GRAMD4: variants seen among roughly 807,000 people sequenced by gnomAD.
GRAMD4 encodes GRAM domain-containing protein 4.
A neutral mutation model predicts 83.9 loss-of-function variants in GRAMD4; 25 were observed. The ratio of observed to expected loss-of-function variants is 0.30; its 90% CI spans 0.22 to 0.42. GRAMD4 has a LOEUF of 0.42. GRAMD4 is among the 10% of genes least tolerant of loss of function. GRAMD4 has a pLI of 1.00. For missense variants in GRAMD4, 593 were observed against 788.7 expected (o/e 0.75, Z 2.97); for synonymous variants, 336 against 320.9 (o/e 1.05, Z -0.50).
intron 2 of GRAMD4, among the ~76,000 whole-genome samples, chr22:46,634,290 C>G (rs1164328211): frequency 1.3e-5 from 2 of 152,120 alleles, no homozygotes; most frequent in African/African-American, 4.8e-5. Context: ...TGCCTTGCAA[C>G]CGCTGTGGGC....
rs2082566777 is a variant in GRAMD4 at position 46,674,610 on chromosome 22, TGGGTAC to T, written c.1385-46_1385-41del. On this transcript the variant is annotated intron_variant, in intron 15 of 18. Transcript: ENST00000406902. ...TGGGTCCCAGCGTCAGGTCAGAGGC[TGGGTAC>T]TTCCAGTGGAAAGTGTGACAGGCGG... 3.1e-6 allele frequency: 4 copies of T among 1,287,156 alleles called. No individual in the cohort carries two copies. In the East Asian group the frequency reaches 9.2e-5, roughly 30 times the overall value. 79.7% of individuals were successfully genotyped at this position (1,287,156 alleles called of 1,614,324 possible). A position where few individuals can be genotyped will look rare whatever the true frequency, so the allele number is the denominator to read the frequency against.
At chr22:46,630,414 T>C (rs189195050) in intron 2 of GRAMD4, among the ~76,000 whole-genome samples, 1 of 152,010 alleles carries the variant, frequency 6.6e-6, no homozygotes, top group Non-Finnish European at 1.5e-5. Context: ...TGCGATTGAG[T>C]GTTTGTGTGC....
chr22:46,591,287 G>A (rs114785010), intron 1 of GRAMD4, among the ~76,000 whole-genome samples: 5 of 151,854 alleles, frequency 3.3e-5, no homozygotes, highest in Admixed American at 6.6e-5. Flanking sequence ...GAGGCTGAGA[G>A]GGGGAGGATT....
intron 1 of GRAMD4, among the ~76,000 whole-genome samples, chr22:46,582,600 G>T (rs1418163363): frequency 2.0e-5 from 3 of 152,124 alleles, no homozygotes; most frequent in Non-Finnish European, 4.4e-5. Flanking sequence ...ATTATGCCTG[G>T]TATCCTGGGA....
chr22:46,593,181 A>C (rs1161966734), intron 1 of GRAMD4, among the ~76,000 whole-genome samples: 1 of 152,180 alleles, frequency 6.6e-6, no homozygotes, highest in Admixed American at 6.5e-5. Flanking sequence ...CCAGTAGCAG[A>C]AAGGTAAATT....
At chr22:46,618,207 G>A (rs2081528781), upstream of GRAMD4, among the ~76,000 whole-genome samples, 1 of 152,128 alleles carries the variant, frequency 6.6e-6, no homozygotes, top group South Asian at 2.1e-4. The surrounding 1 kb of genome is among the most constrained non-coding windows in gnomAD (Gnocchi z 5.8). Flanking sequence ...CCTGCAGCTC[G>A]AGTCCACCTG....
chr22:46,577,790 G>A (rs372875423), intron 1 of GRAMD4, among the ~76,000 whole-genome samples: 2 of 152,218 alleles, frequency 1.3e-5, no homozygotes, highest in South Asian at 4.1e-4. Flanking sequence ...CCCACTTTCT[G>A]CCCTGTCTTC....
At chr22:46,676,568 AC>A in intron 17 of GRAMD4, 31 bp from the exon 18 acceptor site, 1 of 1,540,872 alleles carries the variant, frequency 6.5e-7, no homozygotes, top group East Asian at 2.4e-5. Flanking sequence ...CCCAGGAGAG[AC>A]CTGTGGTGAC....
intron 14 of GRAMD4, 119 bp downstream of exon 14, chr22:46,673,116 T>A: frequency 1.2e-6 from 1 of 828,216 alleles, no homozygotes; most frequent in Non-Finnish European, 1.8e-6. Flanking sequence ...TTCAATTTTA[T>A]AGACTCCTTA....
chr22:46,593,311 G>A (rs371545035), intron 1 of GRAMD4, among the ~76,000 whole-genome samples: 13 of 151,978 alleles, frequency 8.6e-5, no homozygotes, highest in African/African-American at 2.7e-4. Flanking sequence ...GCTTCCTTGC[G>A]GGCGGCCCTT....
intron 2 of GRAMD4, among the ~76,000 whole-genome samples, chr22:46,635,682 GA>G (rs1469024188): frequency 7.8e-6 from 1 of 128,168 alleles, no homozygotes; most frequent in African/African-American, 3.3e-5. Context: ...CTGTCCAGGG[GA>G]GCTGTGTCCT....
At chr22:46,640,576 C>G (rs903735355) in intron 3 of GRAMD4, among the ~76,000 whole-genome samples, 28 of 152,174 alleles carry the variant, frequency 1.8e-4, no homozygotes, top group African/African-American at 6.5e-4. Flanking sequence ...GGAGCATCTC[C>G]TTTTACCCCT....
intron 4 of GRAMD4, 94 bp from the exon 5 acceptor site, chr22:46,661,287 C>T (rs1464719177): frequency 4.5e-6 from 4 of 882,726 alleles, no homozygotes; most frequent in Admixed American, 1.7e-5. Flanking sequence ...CTCTCCTGTG[C>T]AGTACACGGT....
intron 1 of GRAMD4, among the ~76,000 whole-genome samples, chr22:46,580,985 G>A (rs113151356): frequency 0.21 from 28,931 of 137,252 alleles, 3,743 homozygotes; most frequent in East Asian, 0.61. Context: ...AAAAAAAAAA[G>A]AAAGAAAGAA....
At chr22:46,625,202 G>A (rs2081638585) in intron 1 of GRAMD4, among the ~76,000 whole-genome samples, 2 of 152,170 alleles carry the variant, frequency 1.3e-5, no homozygotes, top group South Asian at 4.1e-4. Flanking sequence ...GAATACTCAA[G>A]TGCCCATCCC....
chr22:46,588,667 C>G (rs1371267342), intron 1 of GRAMD4, among the ~76,000 whole-genome samples: 1 of 152,188 alleles, frequency 6.6e-6, no homozygotes, highest in Non-Finnish European at 1.5e-5. Flanking sequence ...TGCGGGGTGC[C>G]CACCCTTTCG....
chr22:46,576,793 C>CTG (rs201890580), upstream of GRAMD4, among the ~76,000 whole-genome samples: 6 of 149,960 alleles, frequency 4.0e-5, no homozygotes, highest in Non-Finnish European at 7.4e-5. Context: ...GAGCGTGCTC[C>CTG]CGCGGGTGAG....
At chr22:46,581,441 C>T (rs546238487) in intron 1 of GRAMD4, among the ~76,000 whole-genome samples, 5 of 152,376 alleles carry the variant, frequency 3.3e-5, no homozygotes, top group Admixed American at 1.3e-4. Context: ...GGGATTTGCA[C>T]GTGGGTGGCT....
At chr22:46,649,397 G>A (rs1417584584) in intron 3 of GRAMD4, among the ~76,000 whole-genome samples, 1 of 152,236 alleles carries the variant, frequency 6.6e-6, no homozygotes, top group Non-Finnish European at 1.5e-5. Flanking sequence ...CTGGGCCGGA[G>A]CCCCAGAGTC....
Sources: allele counts gnomAD v4.1 joint callset (sites outside exome capture counted in the v4.1 genomes callset), GRCh38; gene constraint gnomAD v4.1.1; non-coding constraint Gnocchi (gnomAD v3.1); transcripts MANE v1.5; gene names NCBI Gene and HGNC (gene_info 2026-07-23, HGNC 2026-07-21).